COL4A4: variants seen among roughly 807,000 people sequenced by gnomAD.
COL4A4 encodes the protein collagen alpha-4(IV) chain.
A neutral mutation model predicts 192.9 loss-of-function variants in COL4A4; 105 were observed. That is an observed-to-expected ratio of 0.54 (90% CI 0.46 to 0.64). The LOEUF (loss-of-function observed/expected upper bound fraction) is 0.64. COL4A4 is among the 30% of genes least tolerant of loss of function. The pLI, the probability that COL4A4 is intolerant of heterozygous loss-of-function variation, is 0.00. For missense variants in COL4A4, 1,967 were observed against 2,169.3 expected, an observed-to-expected ratio of 0.91 and a Z score of 1.85; for synonymous variants, 762 against 769.9, an observed-to-expected ratio of 0.99 and a Z score of 0.17.
At chr2:227,013,523 C>G (rs971688561) in intron 44 of COL4A4, among the ~76,000 whole-genome samples, 2 of 152,080 alleles carry the variant, frequency 1.3e-5, no homozygotes, top group African/African-American at 4.8e-5. Flanking sequence ...GATGCATGTC[C>G]CTGGAATGGC....
chr2:227,039,594 T>G (rs1332227974), intron 37 of COL4A4, among the ~76,000 whole-genome samples: 1 of 152,220 alleles, frequency 6.6e-6, no homozygotes, highest in African/African-American at 2.4e-5. Flanking sequence ...GGGTGTATGT[T>G]TTTAAGCCAC....
At chr2:227,108,690 A>G in intron 11 of COL4A4, 68 bp from the exon 12 acceptor site, 5 of 1,570,746 alleles carry the variant, frequency 3.2e-6, no homozygotes, top group Non-Finnish European at 4.4e-6. Context: ...AGCAATTAAG[A>G]CTTCTGGCTA....
At chr2:227,102,389 G>A (rs1574392) in intron 15 of COL4A4, among the ~76,000 whole-genome samples, 96,626 of 152,042 alleles carry the variant, frequency 0.64, 30,709 homozygotes, top group Middle Eastern at 0.72. Context: ...GACTCTATGA[G>A]TGGGCTTTCT....
intron 26 of COL4A4, among the ~76,000 whole-genome samples, chr2:227,062,195 C>A (rs1351692011): frequency 6.6e-6 from 1 of 151,122 alleles, no homozygotes; most frequent in African/African-American, 2.4e-5. Context: ...TGAGATCACA[C>A]CACTACACTC....
intron 1 of COL4A4, among the ~76,000 whole-genome samples, chr2:227,155,042 T>A (rs551133484): frequency 1.3e-5 from 2 of 152,320 alleles, no homozygotes; most frequent in Admixed American, 1.3e-4. Context: ...ATGTGGTCCA[T>A]GGACCACCGG....
the COL4A4 span, among the ~76,000 whole-genome samples, chr2:226,971,487 G>C: frequency 6.6e-6 from 1 of 152,170 alleles, no homozygotes; most frequent in African/African-American, 2.4e-5. Context: ...TTTCTTCTCT[G>C]TTACAGCTAA....
chr2:227,022,171 C>T lies in COL4A4; in HGVS notation c.4093G>A (p.Glu1365Lys). 6.2e-7 allele frequency: 1 copy of T among 1,614,094 alleles called. No homozygotes were observed. The highest frequency in any genetic ancestry group is 8.5e-7 in the Non-Finnish European group (1 of 1,180,034). ...TCCACATCTGCAGGTGGCCCCGGTT[C>T]ACCTGAAATTGGAATCACCGCTTGT... ...GPTGLPGPRG[E>K]PGPPADVDDC... The change falls in exon 44 of 48, where the codon GAA becomes AAA. Residue 1365 changes from glutamate to lysine, a missense_variant and splice_region_variant. Transcript: ENST00000396625.
the COL4A4 span, among the ~76,000 whole-genome samples, chr2:226,976,180 G>T: frequency 6.6e-6 from 1 of 150,660 alleles, no homozygotes; most frequent in African/African-American, 2.5e-5. Flanking sequence ...AAACTTAGCA[G>T]CCAAGCAGGG....
At chr2:227,013,774 T>A (rs2149780288) in intron 44 of COL4A4, among the ~76,000 whole-genome samples, 1 of 152,266 alleles carries the variant, frequency 6.6e-6, no homozygotes, top group Non-Finnish European at 1.5e-5. Flanking sequence ...TTAAGTGGCT[T>A]TCACTGTTGC....
intron 4 of COL4A4, among the ~76,000 whole-genome samples, chr2:227,138,677 G>A (rs1303285306): frequency 6.6e-6 from 1 of 151,650 alleles, no homozygotes; most frequent in Non-Finnish European, 1.5e-5. Context: ...AAATTCTGAT[G>A]AACAAAATTT....
chr2:227,059,559 G>C lies in COL4A4; in HGVS notation c.2229C>G (p.Pro743=). The C allele has an allele frequency of 6.2e-7, 1 of 1,614,080 alleles. No individual in the cohort carries two copies. Among genetic ancestry groups the C allele is most frequent in the Non-Finnish European group, 8.5e-7 (1 of 1,179,990 alleles). Residue 743 remains proline, a synonymous_variant, in exon 28 of 48, where the codon CCC becomes CCG. Coordinates refer to ENST00000396625, the MANE Select transcript of COL4A4 (RefSeq NM_000092.5). ...GGEKGSSPVG[P]PGPPGSPGVN... ...CTCCTGGTGAGCCGGGAGGGCCTGGGGGCCCAACAGGGGAGGACCCCTTTT... is the reference window on the plus strand; with the variant it reads ...CTCCTGGTGAGCCGGGAGGGCCTGGCGGCCCAACAGGGGAGGACCCCTTTT...
intron 43 of COL4A4, among the ~76,000 whole-genome samples, chr2:227,023,556 C>T (rs573559512): frequency 2.6e-5 from 4 of 152,184 alleles, no homozygotes; most frequent in South Asian, 4.1e-4. Flanking sequence ...ATCCTGCAAA[C>T]ATCACAGAGG....
intron 1 of COL4A4, among the ~76,000 whole-genome samples, chr2:227,160,937 T>C (rs1042901064): frequency 1.1e-4 from 17 of 152,146 alleles, no homozygotes; most frequent in Admixed American, 1.1e-3. Flanking sequence ...AAAGAGAAAG[T>C]TCTTAAAAGG....
intron 35 of COL4A4, among the ~76,000 whole-genome samples, chr2:227,046,198 A>T (rs1440330989): frequency 2.7e-5 from 4 of 150,932 alleles, no homozygotes; most frequent in Non-Finnish European, 5.9e-5. Flanking sequence ...TGTTTTTGTT[A>T]GACTTCCATT....
At chr2:227,001,154 G>C (rs1419710565), downstream of COL4A4, among the ~76,000 whole-genome samples, 1 of 151,520 alleles carries the variant, frequency 6.6e-6, no homozygotes, top group Non-Finnish European at 1.5e-5. Flanking sequence ...GAGTGCAGTG[G>C]TACGATCTTA....
At chr2:227,030,338 C>T (rs1968010045) in intron 41 of COL4A4, 105 bp downstream of exon 41, 13 of 1,263,222 alleles carry the variant, frequency 1.0e-5, no homozygotes, top group South Asian at 9.8e-5. Flanking sequence ...GGAAGGTAGT[C>T]ACTTTGTTTG....
intron 46 of COL4A4, 133 bp downstream of exon 46, chr2:227,010,180 C>T: frequency 1.1e-6 from 1 of 910,146 alleles, no homozygotes; most frequent in Non-Finnish European, 1.8e-6. Context: ...AATGACCATG[C>T]TAGTGTTTTT....
chr2:227,110,525 G>A (rs2061133127), intron 9 of COL4A4, among the ~76,000 whole-genome samples: 1 of 152,080 alleles, frequency 6.6e-6, no homozygotes, highest in African/African-American at 2.4e-5. Flanking sequence ...TGGGATTACA[G>A]CCACGCACCA....
chr2:227,047,136 A>T (rs1187354107), intron 35 of COL4A4, among the ~76,000 whole-genome samples: 1 of 152,018 alleles, frequency 6.6e-6, no homozygotes, highest in African/African-American at 2.4e-5. Context: ...TAAATGATAG[A>T]GGGTGCAAAA....
Sources: allele counts gnomAD v4.1 joint callset (sites outside exome capture counted in the v4.1 genomes callset), GRCh38; gene constraint gnomAD v4.1.1; transcripts MANE v1.5; gene names NCBI Gene and HGNC (gene_info 2026-07-23, HGNC 2026-07-21).